Variants in HHLA2 observed in about 807,000 individuals in gnomAD.
The protein encoded by HHLA2 is HHLA2 member of B7 family.
A neutral mutation model predicts 45.9 loss-of-function variants in HHLA2; 48 were observed. That is an observed-to-expected ratio of 1.05 (90% CI 0.83 to 1.33). HHLA2 has a LOEUF of 1.33. Ranked by LOEUF, HHLA2 falls within the 40% of genes most tolerant of loss-of-function variation. The pLI is 0.00. For synonymous variants in HHLA2, 161 were observed against 173.9 expected, an observed-to-expected ratio of 0.93 and a Z score of 0.59; for missense variants, 462 against 494.3, an observed-to-expected ratio of 0.93 and a Z score of 0.62.
intron 2 of HHLA2, chr3:108,326,232 T>C: frequency 5.1e-6 from 1 of 196,784 alleles, no homozygotes; most frequent in Non-Finnish European, 1.1e-5. Flanking sequence ...TATGGTGTAT[T>C]CGTCCAATTT....
intron 3 of HHLA2, among the ~76,000 whole-genome samples, chr3:108,332,307 T>C (rs2081399292): frequency 6.6e-6 from 1 of 152,180 alleles, no homozygotes; most frequent in African/African-American, 2.4e-5. Flanking sequence ...TGTAATTCCT[T>C]TGCAAAAAGG....
intron 2 of HHLA2, among the ~76,000 whole-genome samples, chr3:108,322,577 A>AT (rs1363253561): frequency 1.3e-5 from 2 of 152,084 alleles, no homozygotes; most frequent in African/African-American, 2.4e-5. Context: ...AGTTCAACCT[A>AT]TGTGGGGGAG....
chr3:108,347,139 A>T (rs958333672), intron 3 of HHLA2, among the ~76,000 whole-genome samples: 4 of 152,186 alleles, frequency 2.6e-5, no homozygotes, highest in Non-Finnish European at 5.9e-5. Context: ...GGGGAAAAAA[A>T]TAAGTGTCTA....
rs751338595 is a variant in HHLA2, at chr3:108,375,778, C to A, written c.1137C>A (p.His379Gln). The change falls in exon 9 of 11, where the codon CAC becomes CAA. Residue 379 changes from histidine to glutamine, a missense_variant. Around this residue, in one of 3 missense-constraint regions of HHLA2, gnomAD observed 123 missense variants for 110.5 expected, o/e 1.11. Transcript: ENST00000619531. Reference sequence around the variant, plus strand: ...AGCTAGAAGCCAGGAGGAGCAGACACCCTGCTGATGGAGCCCAACAAGGTC... The same window carrying A: ...AGCTAGAAGCCAGGAGGAGCAGACAACCTGCTGATGGAGCCCAACAAGGTC... The A allele has an allele frequency of 8.1e-6, 13 of 1,611,100 alleles. No homozygotes were observed. The South Asian group carries it at 1.2e-4, about 15-fold the overall frequency.
At chr3:108,369,914 G>A (rs1170951682) in intron 8 of HHLA2, among the ~76,000 whole-genome samples, 2 of 152,240 alleles carry the variant, frequency 1.3e-5, no homozygotes, top group African/African-American at 4.8e-5. Context: ...AAAGGCAGCA[G>A]TAACCTCTGC....
At chr3:108,313,844 C>T (rs758968156) in intron 2 of HHLA2, among the ~76,000 whole-genome samples, 3 of 152,310 alleles carry the variant, frequency 2.0e-5, no homozygotes, top group African/African-American at 4.8e-5. Context: ...AACTTACTAG[C>T]GTGGAAATCG....
At chr3:108,371,543 C>G (rs907666653) in intron 8 of HHLA2, among the ~76,000 whole-genome samples, 32 of 152,200 alleles carry the variant, frequency 2.1e-4, no homozygotes, top group African/African-American at 7.2e-4. Context: ...ATTGGATAAA[C>G]AGTCAAGACC....
chr3:108,355,970 CCTGT>C (rs2081882678), intron 6 of HHLA2, among the ~76,000 whole-genome samples: 3 of 151,770 alleles, frequency 2.0e-5, no homozygotes, highest in Admixed American at 1.3e-4. Context: ...ATATCCAAAA[CCTGT>C]TTAATAAAAA....
intron 2 of HHLA2, among the ~76,000 whole-genome samples, chr3:108,314,289 A>T (rs1028683894): frequency 1.3e-5 from 2 of 151,536 alleles, no homozygotes; most frequent in African/African-American, 4.9e-5. Context: ...TCTTGTGAGC[A>T]CTTAATCTTG....
chr3:108,356,155 G>A (rs1056069016), intron 6 of HHLA2, among the ~76,000 whole-genome samples: 13 of 149,748 alleles, frequency 8.7e-5, no homozygotes, highest in African/African-American at 3.2e-4. Context: ...TCAGCCTCCT[G>A]AGTAGCTGGG....
At chr3:108,352,329 A>G (rs189666166) in intron 4 of HHLA2, among the ~76,000 whole-genome samples, 4 of 152,132 alleles carry the variant, frequency 2.6e-5, no homozygotes, top group African/African-American at 4.8e-5. Context: ...TTCTTTCAGC[A>G]TGATGCCACA....
At chr3:108,318,703 T>C (rs2081145480) in intron 2 of HHLA2, among the ~76,000 whole-genome samples, 1 of 152,208 alleles carries the variant, frequency 6.6e-6, no homozygotes, top group Non-Finnish European at 1.5e-5. Flanking sequence ...AACATTTTAC[T>C]CATGCTGTCA....
intron 3 of HHLA2, chr3:108,328,471 A>G (rs1374755034): frequency 4.7e-6 from 3 of 632,138 alleles, no homozygotes; most frequent in Non-Finnish European, 7.7e-6. Flanking sequence ...TTCTTATAAC[A>G]GTGATTTGGA....
chr3:108,371,088 T>C (rs148837118), intron 8 of HHLA2, among the ~76,000 whole-genome samples: 1,948 of 152,266 alleles, frequency 0.013, 23 homozygotes, highest in Non-Finnish European at 0.019. Context: ...AAAAGTCGGG[T>C]TACCCACAAA....
intron 1 of HHLA2, among the ~76,000 whole-genome samples, chr3:108,304,272 C>A (rs919923498): frequency 3.2e-4 from 48 of 152,266 alleles, no homozygotes; most frequent in African/African-American, 1.1e-3. Flanking sequence ...TAACAAACTA[C>A]CACAAATATG....
At chr3:108,361,995 T>C (rs79591495) in intron 7 of HHLA2, among the ~76,000 whole-genome samples, 4,898 of 152,220 alleles carry the variant, frequency 0.032, 134 homozygotes, top group Non-Finnish European at 0.047. Flanking sequence ...AAATGCATAA[T>C]AGATGTATTA....
chr3:108,358,040 G>A, exon 7 of HHLA2: 1 of 1,613,742 alleles, frequency 6.2e-7, no homozygotes, highest in Non-Finnish European at 8.5e-7. Context: ...ACAAAGAGCT[G>A]ATAAACCAGA....
Position 108,357,112 on chromosome 3 carries a change from A to G in HHLA2, c.686-732A>G, listed in dbSNP as rs542665943. Among the ~76,000 whole-genome samples the G allele has an allele frequency of 2.6e-5, 4 of 152,230 alleles. No individual in the cohort carries two copies. In the South Asian group the frequency reaches 8.3e-4, roughly 32 times the overall value. ...AGGATAGATCAGAAGAGGGATTTGAACCATCAGAGAGGCCCTGGATTTGCC... is the reference window on the plus strand; with the variant it reads ...AGGATAGATCAGAAGAGGGATTTGAGCCATCAGAGAGGCCCTGGATTTGCC... On this transcript the variant is annotated intron_variant, in intron 6 of 10. Transcript: ENST00000619531.
intron 7 of HHLA2, among the ~76,000 whole-genome samples, chr3:108,362,092 A>G (rs1348596835): frequency 1.3e-5 from 2 of 152,184 alleles, no homozygotes; most frequent in Non-Finnish European, 2.9e-5. Flanking sequence ...TTCCCACAAT[A>G]GATACACTGA....
Sources: gnomAD v4.1 joint callset for allele counts (sites outside exome capture counted in the v4.1 genomes callset) on GRCh38, gnomAD v4.1.1 for gene constraint, gnomAD v4.1.1 regional missense constraint, MANE v1.5 for transcripts, NCBI Gene and HGNC (gene_info 2026-07-23, HGNC 2026-07-21) for gene names.